The following GALM variants were observed in gnomAD, a reference collection of about 807,000 sequenced individuals.
GALM encodes aldose 1-epimerase.
In GALM, 43 loss-of-function variants were observed where a neutral mutation model predicts 37.4. The ratio of observed to expected loss-of-function variants is 1.15; its 90% CI spans 0.90 to 1.48. The LOEUF (loss-of-function observed/expected upper bound fraction) is 1.48. GALM is among the 40% of genes most tolerant of loss of function. The pLI is 0.00. For synonymous variants in GALM, 199 were observed against 170.6 expected (o/e 1.17, Z -1.30); for missense variants, 456 against 419.1 (o/e 1.09, Z -0.77).
chr2:38,710,471 G>A (rs1473952087), intron 4 of GALM, among the ~76,000 whole-genome samples: 1 of 152,144 alleles, frequency 6.6e-6, no homozygotes, highest in East Asian at 1.9e-4. Flanking sequence ...CTACTTCTGG[G>A]CCTTGGATCC....
At chr2:38,691,603 G>C (rs867095084) in intron 4 of GALM, among the ~76,000 whole-genome samples, 1 of 151,778 alleles carries the variant, frequency 6.6e-6, no homozygotes, top group Non-Finnish European at 1.5e-5. Context: ...AGGATCTCTC[G>C]AGCCCAGGAG....
At chr2:38,675,808 A>G (rs1456902949) in intron 1 of GALM, 104 bp from the exon 2 acceptor site, 1 of 1,025,184 alleles carries the variant, frequency 9.8e-7, no homozygotes. Context: ...TGACCTTGTG[A>G]TCCGCCTGCC....
chr2:38,699,420 C>G (rs771829294), intron 4 of GALM, among the ~76,000 whole-genome samples: 3 of 152,142 alleles, frequency 2.0e-5, no homozygotes, highest in Non-Finnish European at 4.4e-5. Context: ...GCTGTTCTAG[C>G]TATTTGAAAA....
chr2:38,717,377 T>C (rs17494049), intron 4 of GALM, among the ~76,000 whole-genome samples: 86,302 of 150,498 alleles, frequency 0.57, 25,931 homozygotes, highest in East Asian at 0.81. Flanking sequence ...ACACACACTA[T>C]GTGCCAGGTA....
intron 4 of GALM, among the ~76,000 whole-genome samples, chr2:38,715,921 A>C (rs1238008139): frequency 6.6e-6 from 1 of 152,216 alleles, no homozygotes; most frequent in African/African-American, 2.4e-5. Flanking sequence ...TTTACAGATG[A>C]GGTAACCAAG....
At chr2:38,730,996 T>C (rs892775449) in intron 5 of GALM, among the ~76,000 whole-genome samples, 9 of 150,840 alleles carry the variant, frequency 6.0e-5, no homozygotes, top group African/African-American at 1.7e-4. Flanking sequence ...GAGGCTGAGG[T>C]GGTCAGATCA....
intron 1 of GALM, among the ~76,000 whole-genome samples, chr2:38,667,207 A>C (rs1180129515): frequency 6.6e-6 from 1 of 152,146 alleles, no homozygotes; most frequent in Non-Finnish European, 1.5e-5. Flanking sequence ...TAAAGCTGGC[A>C]AAGGGAAACT....
chr2:38,685,927 G>T (rs1665507614), intron 3 of GALM, among the ~76,000 whole-genome samples: 1 of 151,886 alleles, frequency 6.6e-6, no homozygotes. Context: ...TGGCCAGGCT[G>T]GTCTTGAACT....
chr2:38,721,305 A>G (rs1666371493), intron 4 of GALM, among the ~76,000 whole-genome samples: 1 of 152,224 alleles, frequency 6.6e-6, no homozygotes, highest in Admixed American at 6.5e-5. Context: ...CTGGAATGTT[A>G]TAAAGTCCTA....
intron 3 of GALM, chr2:38,682,123 C>A (rs1315041317): frequency 4.2e-6 from 1 of 238,636 alleles, no homozygotes; most frequent in Non-Finnish European, 9.2e-6. Context: ...AAAATCAACC[C>A]AGCAGAGGGA....
intron 1 of GALM, among the ~76,000 whole-genome samples, chr2:38,672,756 A>ACGCACTTAGAAAGTGGCTGGGT (rs1665142581): frequency 6.6e-6 from 1 of 151,994 alleles, no homozygotes; most frequent in Non-Finnish European, 1.5e-5. Context: ...AGTGGCTGGG[A>ACGCACTTAGAAAGTGGCTGGGT]CACACTTTGG....
intron 1 of GALM, among the ~76,000 whole-genome samples, chr2:38,672,277 T>C (rs1033707857): frequency 6.6e-6 from 1 of 152,218 alleles, no homozygotes; most frequent in Non-Finnish European, 1.5e-5. Flanking sequence ...CAAAAATCTC[T>C]ACAGTCAAAC....
intron 3 of GALM, among the ~76,000 whole-genome samples, chr2:38,687,512 C>T (rs1665565750): frequency 6.6e-6 from 1 of 152,098 alleles, no homozygotes; most frequent in Non-Finnish European, 1.5e-5. Context: ...GAGTTCGAGA[C>T]CAGCCTGGCC....
At chr2:38,692,543 G>A (rs997367332) in intron 4 of GALM, among the ~76,000 whole-genome samples, 2 of 152,126 alleles carry the variant, frequency 1.3e-5, no homozygotes, top group African/African-American at 2.4e-5. Flanking sequence ...GAGCCACCAT[G>A]CTGGTCCTCA....
intron 6 of GALM, 96 bp from the exon 7 acceptor site, chr2:38,733,392 G>C: frequency 1.0e-6 from 1 of 960,752 alleles, no homozygotes; most frequent in South Asian, 1.3e-5. Flanking sequence ...GCCATCCACA[G>C]AGCACTGGTC....
chr2:38,722,040 ACC>A (rs1178141610), intron 4 of GALM, among the ~76,000 whole-genome samples: 2,646 of 53,404 alleles, frequency 0.05, 52 homozygotes, highest in African/African-American at 0.15. Context: ...TCCCCCCCCC[ACC>A]CCCCCCCCCC....
At chr2:38,716,454 T>G (rs1666272347) in intron 4 of GALM, among the ~76,000 whole-genome samples, 1 of 152,184 alleles carries the variant, frequency 6.6e-6, no homozygotes, top group South Asian at 2.1e-4. Flanking sequence ...GTGCAACTTG[T>G]TTTGTGATGA....
chr2:38,701,994 C>T (rs1665930725), intron 4 of GALM, among the ~76,000 whole-genome samples: 1 of 152,134 alleles, frequency 6.6e-6, no homozygotes, highest in South Asian at 2.1e-4. Context: ...ATTTTTAACT[C>T]CTAAGCATTT....
chr2:38,686,503 A>C (rs1665543166), intron 3 of GALM, among the ~76,000 whole-genome samples: 1 of 151,802 alleles, frequency 6.6e-6, no homozygotes, highest in African/African-American at 2.4e-5. Flanking sequence ...TGACCTCGTG[A>C]TCCACCCACC....
Sources: gnomAD v4.1 joint callset for allele counts (sites outside exome capture counted in the v4.1 genomes callset) on GRCh38, gnomAD v4.1.1 for gene constraint, MANE v1.5 for transcripts, NCBI Gene and HGNC (gene_info 2026-07-23, HGNC 2026-07-21) for gene names.